Variants in LIPC observed in about 807,000 individuals in gnomAD.
The protein encoded by LIPC is hepatic triacylglycerol lipase.
LIPC carries 44 observed loss-of-function variants against 50.7 expected under a neutral mutation model. That is an observed-to-expected ratio of 0.87 (90% CI 0.68 to 1.11). The LOEUF (loss-of-function observed/expected upper bound fraction) is 1.11, where lower values mean the gene tolerates loss of function less well. Ranked by LOEUF, LIPC falls within the 50% of genes most tolerant of loss-of-function variation. The pLI, the probability that LIPC is intolerant of heterozygous loss-of-function variation, is 0.00. For synonymous variants in LIPC, 271 were observed against 256.4 expected, an observed-to-expected ratio of 1.06 and a Z score of -0.54; for missense variants, 697 against 648.2, an observed-to-expected ratio of 1.08 and a Z score of -0.82.
chr15:58,438,060 A>G (rs553942826), intron 1 of LIPC, among the ~76,000 whole-genome samples: 33 of 152,286 alleles, frequency 2.2e-4, no homozygotes, highest in African/African-American at 7.2e-4. Context: ...GGTTGAAGGC[A>G]TGGGGTCTGT....
At chr15:58,530,498 G>T (rs1968687) in intron 1 of LIPC, among the ~76,000 whole-genome samples, 109,784 of 152,218 alleles carry the variant, frequency 0.72, 43,418 homozygotes, top group Non-Finnish European at 0.89. Context: ...AGCCTATGCC[G>T]CTCAACCTGG....
At chr15:58,500,093 G>A (rs559464079) in intron 1 of LIPC, among the ~76,000 whole-genome samples, 2 of 152,244 alleles carry the variant, frequency 1.3e-5, no homozygotes, top group East Asian at 1.9e-4. Context: ...CAACTGAAAC[G>A]TAAGGATCCC....
chr15:58,516,110 C>G (rs1295683710), intron 1 of LIPC, among the ~76,000 whole-genome samples: 1 of 152,112 alleles, frequency 6.6e-6, no homozygotes, highest in African/African-American at 2.4e-5. Context: ...GGATTTTCTG[C>G]GCATCTTTGC....
At chr15:58,565,622 T>C (rs1200105215) in intron 8 of LIPC, 1 of 1,061,824 alleles carries the variant, frequency 9.4e-7, no homozygotes, top group Non-Finnish European at 1.1e-6. Context: ...TTGCTCAAAA[T>C]TGTCCCAGTC....
intron 1 of LIPC, among the ~76,000 whole-genome samples, chr15:58,472,519 T>G (rs1322067228): frequency 1.4e-5 from 2 of 142,626 alleles, no homozygotes; most frequent in Non-Finnish European, 3.0e-5. Context: ...GAGGTTGCAG[T>G]GAGCCAAGAT....
At chr15:58,441,523 A>T (rs1024513580) in intron 1 of LIPC, among the ~76,000 whole-genome samples, 4 of 152,168 alleles carry the variant, frequency 2.6e-5, no homozygotes, top group Non-Finnish European at 5.9e-5. Flanking sequence ...AGAGACGTAA[A>T]CATTCACCAT....
intron 1 of LIPC, among the ~76,000 whole-genome samples, chr15:58,506,105 T>C (rs915433819): frequency 1.3e-5 from 2 of 152,136 alleles, no homozygotes; most frequent in Admixed American, 1.3e-4. Flanking sequence ...TAGGCTGTGT[T>C]TGGGTGCCTG....
At chr15:58,538,241 G>C (rs1893201415) in intron 1 of LIPC, 92 bp from the exon 2 acceptor site, 4 of 1,226,936 alleles carry the variant, frequency 3.3e-6, no homozygotes, top group Admixed American at 1.7e-5. Flanking sequence ...AACCTCTTTG[G>C]CTTGTGCTTG....
chr15:58,458,240 G>T (rs966510632), intron 1 of LIPC, among the ~76,000 whole-genome samples: 1 of 151,930 alleles, frequency 6.6e-6, no homozygotes, highest in South Asian at 2.1e-4. Flanking sequence ...TTTAAATGAG[G>T]TCATCAGGAA....
intron 1 of LIPC, among the ~76,000 whole-genome samples, chr15:58,464,141 C>G (rs537302811): frequency 6.6e-6 from 1 of 152,260 alleles, no homozygotes; most frequent in South Asian, 2.1e-4. Flanking sequence ...GGAGCATGCA[C>G]CTGTCACCCT....
chr15:58,509,076 T>C (rs1379278002), intron 1 of LIPC, among the ~76,000 whole-genome samples: 10 of 152,190 alleles, frequency 6.6e-5, no homozygotes, highest in Non-Finnish European at 5.9e-5. Context: ...ATGAAGAGGA[T>C]ATGTATGCAG....
intron 1 of LIPC, among the ~76,000 whole-genome samples, chr15:58,444,226 G>T (rs1025699882): frequency 1.3e-5 from 2 of 151,768 alleles, no homozygotes; most frequent in Non-Finnish European, 2.9e-5. Flanking sequence ...CCTTCCTGAG[G>T]TTAATGATTG....
chr15:58,524,815 G>A (rs536661628), intron 1 of LIPC, among the ~76,000 whole-genome samples: 13 of 152,124 alleles, frequency 8.5e-5, no homozygotes, highest in African/African-American at 2.2e-4. Flanking sequence ...GGGGATATTC[G>A]CCCTTTGTGT....
chr15:58,479,724 C>T lies in LIPC; in HGVS notation c.88+47604C>T, dbSNP rs75849584. 1.9e-3 allele frequency among the ~76,000 whole-genome samples: 290 copies of T among 152,284 alleles called. 1 individual carries two copies. Among genetic ancestry groups the T allele is most frequent in the African/African-American group, 6.5e-3 (269 of 41,552 alleles). ...TGTGGCTTGGACGATTAGAAGAGAC[C>T]TCAGGTGTGGTGCCCAATTCATCTT... is the stretch of plus-strand genomic sequence containing the variant. On this transcript the variant is annotated intron_variant, in intron 1 of 8. Coordinates refer to ENST00000299022, the MANE Select transcript of LIPC (RefSeq NM_000236.3).
chr15:58,507,232 C>A (rs1892181331), intron 1 of LIPC, among the ~76,000 whole-genome samples: 1 of 151,982 alleles, frequency 6.6e-6, no homozygotes, highest in South Asian at 2.1e-4. Context: ...CTTTCCCTAT[C>A]CTCTTGAGAG....
chr15:58,494,107 T>C (rs1295040790), intron 1 of LIPC, among the ~76,000 whole-genome samples: 1 of 152,232 alleles, frequency 6.6e-6, no homozygotes, highest in Non-Finnish European at 1.5e-5. Flanking sequence ...TTCAGTTCCT[T>C]GCCATGGGGG....
intron 3 of LIPC, 139 bp downstream of exon 3, chr15:58,542,106 A>G: frequency 9.6e-7 from 1 of 1,043,140 alleles, no homozygotes; most frequent in Non-Finnish European, 1.4e-6. Context: ...GAGAAGGCAC[A>G]GGACTGACAC....
At chr15:58,534,769 C>T (rs1893060662) in intron 1 of LIPC, among the ~76,000 whole-genome samples, 1 of 152,168 alleles carries the variant, frequency 6.6e-6, no homozygotes, top group Admixed American at 6.6e-5. Context: ...TCTTCAGCAG[C>T]CTTATAAGAT....
rs41292502 is a variant in LIPC at position 58,534,649 on chromosome 15, G to C, written c.89-3684G>C. ...ATAACACATAGGGAAACCATCTTGG[G>C]TTTCAGGACCAAAAAAGTGTGAGTG... is the stretch of plus-strand genomic sequence containing the variant. On this transcript the variant is annotated intron_variant, in intron 1 of 8. Transcript: ENST00000299022. 7.0e-3 allele frequency among the ~76,000 whole-genome samples: 1,070 copies of C among 152,200 alleles called. 10 individuals are homozygous for C. Among genetic ancestry groups the C allele is most frequent in the African/African-American group, 0.025 (1,021 of 41,526 alleles).
Sources: gnomAD v4.1 joint callset for allele counts (sites outside exome capture counted in the v4.1 genomes callset) on GRCh38, gnomAD v4.1.1 for gene constraint, MANE v1.5 for transcripts, NCBI Gene and HGNC (gene_info 2026-07-23, HGNC 2026-07-21) for gene names.